MYO5B: variants seen among roughly 807,000 people sequenced by gnomAD.
MYO5B encodes unconventional myosin-Vb.
Under a neutral mutation model 229.3 loss-of-function variants are expected in MYO5B, and 143 were observed. The observed-to-expected ratio is 0.62, with a 90% CI of 0.54 to 0.72. The LOEUF (loss-of-function observed/expected upper bound fraction) is 0.72, where lower values mean the gene tolerates loss of function less well. Among genes scored for constraint, MYO5B ranks in the 30% least tolerant of loss-of-function variants. The pLI is 0.00. For missense variants in MYO5B, 2,321 were observed against 2,331.0 expected (o/e 1.00, Z 0.09); for synonymous variants, 918 against 885.2 (o/e 1.04, Z -0.66).
At chr18:49,949,512 T>C (rs868214019) in intron 14 of MYO5B, among the ~76,000 whole-genome samples, 1 of 152,316 alleles carries the variant, frequency 6.6e-6, no homozygotes, top group African/African-American at 2.4e-5. Context: ...CTTCACTAAT[T>C]ACATTCTCAT....
At chr18:49,964,536 C>G (rs1041452206) in intron 10 of MYO5B, among the ~76,000 whole-genome samples, 4 of 152,186 alleles carry the variant, frequency 2.6e-5, no homozygotes, top group Non-Finnish European at 5.9e-5. Context: ...GGTCCTGCCC[C>G]TCTTTACTGG....
chr18:49,942,713 C>A (rs1308424892), intron 14 of MYO5B, among the ~76,000 whole-genome samples: 1 of 151,704 alleles, frequency 6.6e-6, no homozygotes, highest in Admixed American at 6.6e-5. Flanking sequence ...AGTCAGGAAA[C>A]AACAGGTGCT....
chr18:49,904,113 C>G (rs1275418922), intron 20 of MYO5B, among the ~76,000 whole-genome samples: 1 of 152,234 alleles, frequency 6.6e-6, no homozygotes, highest in East Asian at 1.9e-4. Flanking sequence ...TGATTGGATG[C>G]TGGGCCCCTT....
chr18:49,938,695 C>T (rs924893729), intron 14 of MYO5B, among the ~76,000 whole-genome samples: 2 of 152,168 alleles, frequency 1.3e-5, no homozygotes, highest in Non-Finnish European at 2.9e-5. Flanking sequence ...CCCTCTCAGA[C>T]AATACCTTGC....
intron 1 of MYO5B, among the ~76,000 whole-genome samples, chr18:50,132,625 T>G (rs973204903): frequency 6.6e-6 from 1 of 152,198 alleles, no homozygotes; most frequent in Non-Finnish European, 1.5e-5. Flanking sequence ...CATGCTCCCC[T>G]CTTCTCTGCC....
At chr18:49,954,054 G>C (rs956274624) in intron 13 of MYO5B, among the ~76,000 whole-genome samples, 1 of 150,646 alleles carries the variant, frequency 6.6e-6, no homozygotes, top group African/African-American at 2.5e-5. Flanking sequence ...GTGTGTGTGT[G>C]TGTGTGTGTG....
chr18:50,056,453 T>G (rs939482746), intron 1 of MYO5B, among the ~76,000 whole-genome samples: 7 of 152,174 alleles, frequency 4.6e-5, no homozygotes, highest in Admixed American at 3.3e-4. Context: ...TTTCTGCATT[T>G]TCATCTCATA....
intron 4 of MYO5B, among the ~76,000 whole-genome samples, chr18:50,011,998 C>T (rs1009708001): frequency 2.6e-5 from 4 of 152,048 alleles, no homozygotes; most frequent in African/African-American, 4.8e-5. Context: ...GAAGAGGCAA[C>T]GCTGACTGCA....
At chr18:50,182,379 C>T (rs1001983392) in intron 1 of MYO5B, among the ~76,000 whole-genome samples, 1 of 152,152 alleles carries the variant, frequency 6.6e-6, no homozygotes, top group Non-Finnish European at 1.5e-5. Context: ...TGTTTGTTTT[C>T]TTCCTTTGGC....
intron 14 of MYO5B, 104 bp downstream of exon 14, chr18:49,953,156 C>T (rs2025447575): frequency 2.7e-6 from 3 of 1,091,604 alleles, no homozygotes. Context: ...TCCTCCCTGC[C>T]CAGCATCTCT....
intron 1 of MYO5B, among the ~76,000 whole-genome samples, chr18:50,171,157 CA>C (rs1278858739): frequency 7.8e-6 from 1 of 128,124 alleles, no homozygotes; most frequent in Non-Finnish European, 1.7e-5. Flanking sequence ...TTCCATAAGA[CA>C]GTGCTGGGCA....
intron 14 of MYO5B, among the ~76,000 whole-genome samples, chr18:49,949,510 A>G (rs2025410406): frequency 6.6e-6 from 1 of 152,186 alleles, no homozygotes; most frequent in African/African-American, 2.4e-5. Flanking sequence ...GGCTTCACTA[A>G]TTACATTCTC....
chr18:49,961,433 G>A (rs1259655896), intron 12 of MYO5B, among the ~76,000 whole-genome samples: 1 of 152,156 alleles, frequency 6.6e-6, no homozygotes, highest in Non-Finnish European at 1.5e-5. Context: ...AAAACTAGGA[G>A]AGCCCTTCTG....
intron 8 of MYO5B, among the ~76,000 whole-genome samples, chr18:49,983,204 T>A (rs1328205132): frequency 6.6e-6 from 1 of 152,196 alleles, no homozygotes; most frequent in Non-Finnish European, 1.5e-5. Context: ...CTTTGCCTAC[T>A]GGTAGAATGT....
At chr18:50,104,248 C>T (rs988811429) in intron 1 of MYO5B, among the ~76,000 whole-genome samples, 1 of 131,850 alleles carries the variant, frequency 7.6e-6, no homozygotes, top group South Asian at 2.5e-4. Context: ...ATTTAAGATT[C>T]CTGGGGATCT....
intron 1 of MYO5B, among the ~76,000 whole-genome samples, chr18:50,068,534 C>A (rs1049106017): frequency 1.3e-5 from 2 of 152,218 alleles, no homozygotes; most frequent in African/African-American, 2.4e-5. Context: ...CAAGCAGTCC[C>A]ACCTTAAGTA....
chr18:49,971,802 T>C (rs2025694997), intron 10 of MYO5B, among the ~76,000 whole-genome samples: 2 of 152,162 alleles, frequency 1.3e-5, no homozygotes, highest in Non-Finnish European at 2.9e-5. Flanking sequence ...TCAGAGAGAG[T>C]GTGAACTCAG....
At chr18:50,063,977 C>T (rs1468976316) in intron 1 of MYO5B, 1 of 152,396 alleles carries the variant, frequency 6.6e-6, no homozygotes, top group Non-Finnish European at 1.5e-5. Context: ...GTACAAGGAA[C>T]ACTGCTGAAT....
At chr18:50,082,926 C>A (rs1427594161) in intron 1 of MYO5B, among the ~76,000 whole-genome samples, 1 of 152,138 alleles carries the variant, frequency 6.6e-6, no homozygotes, top group Non-Finnish European at 1.5e-5. Context: ...TCCTAAAATT[C>A]AATTCTAACA....
Sources: allele counts gnomAD v4.1 joint callset (sites outside exome capture counted in the v4.1 genomes callset), GRCh38; gene constraint gnomAD v4.1.1; transcripts MANE v1.5; gene names NCBI Gene and HGNC (gene_info 2026-07-23, HGNC 2026-07-21).